Variants in CHRM3 observed in about 807,000 individuals in gnomAD.
The protein encoded by CHRM3 is cholinergic receptor muscarinic 3.
Under a neutral mutation model 41.8 loss-of-function variants are expected in CHRM3, and 11 were observed. That is an observed-to-expected ratio of 0.26 (90% CI 0.17 to 0.44). CHRM3 has a LOEUF of 0.44. CHRM3 is among the 20% of genes least tolerant of loss of function. CHRM3 has a pLI of 1.00. For synonymous variants in CHRM3, 297 were observed against 301.4 expected (o/e 0.99, Z 0.15); for missense variants, 571 against 745.4 (o/e 0.77, Z 2.72).
At chr1:239,508,118 A>G (rs1668691801) in intron 2 of CHRM3, among the ~76,000 whole-genome samples, 1 of 152,204 alleles carries the variant, frequency 6.6e-6, no homozygotes, top group African/African-American at 2.4e-5. Context: ...ATGACTAGTA[A>G]TTATATTCAA....
intron 5 of CHRM3, among the ~76,000 whole-genome samples, chr1:239,716,692 A>G (rs1364055207): frequency 6.6e-6 from 1 of 152,050 alleles, no homozygotes; most frequent in African/African-American, 2.4e-5. Context: ...AAATAGAATT[A>G]AAAAAAGAAG....
chr1:239,494,299 G>C (rs1667743161), intron 2 of CHRM3, among the ~76,000 whole-genome samples: 1 of 152,022 alleles, frequency 6.6e-6, no homozygotes, highest in Admixed American at 6.6e-5. Flanking sequence ...GCTGGTTCCT[G>C]CCAATTTGAT....
intron 2 of CHRM3, among the ~76,000 whole-genome samples, chr1:239,544,026 A>G (rs1290028895): frequency 6.6e-6 from 1 of 152,210 alleles, no homozygotes; most frequent in Non-Finnish European, 1.5e-5. Context: ...TTTGTTCCAA[A>G]CATTTAAAAA....
At chr1:239,637,218 A>G (rs561685442) in intron 4 of CHRM3, among the ~76,000 whole-genome samples, 1 of 152,082 alleles carries the variant, frequency 6.6e-6, no homozygotes, top group Non-Finnish European at 1.5e-5. Context: ...GGTTTTGTAA[A>G]TTTATTTTCT....
At chr1:239,830,830 G>T (rs377734664) in intron 6 of CHRM3, among the ~76,000 whole-genome samples, 1 of 152,124 alleles carries the variant, frequency 6.6e-6, no homozygotes, top group South Asian at 2.1e-4. Context: ...CCCAACCTCT[G>T]CAGGACCACC....
chr1:239,696,521 C>T (rs2148040627), intron 5 of CHRM3, among the ~76,000 whole-genome samples: 1 of 152,148 alleles, frequency 6.6e-6, no homozygotes, highest in East Asian at 1.9e-4. Flanking sequence ...TAAAATGAGA[C>T]CTATGAAAAC....
intron 2 of CHRM3, among the ~76,000 whole-genome samples, chr1:239,523,569 T>A (rs1418601430): frequency 6.6e-6 from 1 of 152,240 alleles, no homozygotes; most frequent in Non-Finnish European, 1.5e-5. Flanking sequence ...TGTTTTACGT[T>A]GTTTCTTGAA....
At chr1:239,504,806 T>C (rs2148156865) in intron 2 of CHRM3, among the ~76,000 whole-genome samples, 1 of 152,082 alleles carries the variant, frequency 6.6e-6, no homozygotes, top group African/African-American at 2.4e-5. Flanking sequence ...GTGAAGTAAC[T>C]CAGGAATGGA....
chr1:239,732,125 T>C (rs990767771), intron 5 of CHRM3, among the ~76,000 whole-genome samples: 11 of 152,010 alleles, frequency 7.2e-5, no homozygotes, highest in Non-Finnish European at 1.5e-4. Flanking sequence ...ATCCATACAC[T>C]GATGAAGTTC....
intron 1 of CHRM3, among the ~76,000 whole-genome samples, chr1:239,451,036 C>T (rs1283135448): frequency 6.6e-6 from 1 of 152,030 alleles, no homozygotes; most frequent in South Asian, 2.1e-4. Context: ...GCCTGGGCAA[C>T]ACAGCGAGAC....
At chr1:239,617,877 C>T (rs1405180253) in intron 3 of CHRM3, among the ~76,000 whole-genome samples, 1 of 152,086 alleles carries the variant, frequency 6.6e-6, no homozygotes, top group East Asian at 1.9e-4. Context: ...GTAAGATGAC[C>T]ACTGTGGTGT....
Position 239,909,733 on chromosome 1 carries a change from GTCTTT to G in CHRM3, c.*515_*519del, listed in dbSNP as rs1680251852. On this transcript the variant is annotated 3_prime_UTR_variant, in exon 7 of 7. Transcript: ENST00000676153. The stretch of plus-strand genomic sequence containing the variant: ...TCTTCTTGTCCCAATAGAGCTTCCT[GTCTTT>G]TCTTTGGTGTGTTGTTAAACTCTAT... The G allele has an allele frequency of 5.9e-6, 1 of 168,204 alleles. No individual in the cohort carries two copies. Among genetic ancestry groups the G allele is most frequent in the African/African-American group, 2.4e-5 (1 of 41,424 alleles). The allele number at this position is 168,204 out of a possible 1,614,324, so 10.4% of individuals were successfully genotyped here. A position where few individuals can be genotyped will look rare whatever the true frequency, so the allele number is the denominator to read the frequency against.
At chr1:239,461,930 C>A (rs1311543094) in intron 1 of CHRM3, among the ~76,000 whole-genome samples, 1 of 152,072 alleles carries the variant, frequency 6.6e-6, no homozygotes, top group East Asian at 1.9e-4. Flanking sequence ...CTTTCAAAAG[C>A]AAATAAATGA....
intron 4 of CHRM3, among the ~76,000 whole-genome samples, chr1:239,655,676 A>G (rs1220662956): frequency 1.3e-5 from 2 of 152,130 alleles, no homozygotes; most frequent in South Asian, 2.1e-4. Flanking sequence ...CTGACTTTTC[A>G]TCTCTAAAGT....
Position 239,820,497 on chromosome 1 carries a change from G to C in CHRM3, c.-146-6755G>C, listed in dbSNP as rs561508969. Among the ~76,000 whole-genome samples the C allele has an allele frequency of 1.4e-4, 22 of 152,276 alleles. 1 individual carries two copies. The South Asian group carries it at 3.5e-3, about 24-fold the overall frequency. On this transcript the variant is annotated intron_variant, in intron 5 of 6. Coordinates refer to ENST00000676153, the MANE Select transcript of CHRM3 (RefSeq NM_001375978.1). Reference sequence around the variant, plus strand: ...CTTGGAAAAAGGACCAGAGGTTATTGTTTTCTTCTATGATAGGTCCGGATT... The same window carrying C: ...CTTGGAAAAAGGACCAGAGGTTATTCTTTTCTTCTATGATAGGTCCGGATT...
intron 3 of CHRM3, among the ~76,000 whole-genome samples, chr1:239,548,224 G>A (rs1406361661): frequency 6.6e-6 from 1 of 152,180 alleles, no homozygotes; most frequent in Non-Finnish European, 1.5e-5. Flanking sequence ...AAGGTGGAAA[G>A]TACTGATAAC....
chr1:239,481,423 T>A (rs1198018822), intron 1 of CHRM3, among the ~76,000 whole-genome samples: 1 of 152,242 alleles, frequency 6.6e-6, no homozygotes, highest in Non-Finnish European at 1.5e-5. Context: ...AGGGCTTTTT[T>A]CAATGTAAAA....
chr1:239,496,182 C>A (rs1334320611), intron 2 of CHRM3, among the ~76,000 whole-genome samples: 1 of 151,950 alleles, frequency 6.6e-6, no homozygotes, highest in Non-Finnish European at 1.5e-5. Context: ...GGGGGCAAAC[C>A]AGATGAACAT....
At chr1:239,485,564 G>A (rs1036091378) in intron 1 of CHRM3, among the ~76,000 whole-genome samples, 1 of 152,112 alleles carries the variant, frequency 6.6e-6, no homozygotes, top group African/African-American at 2.4e-5. Flanking sequence ...ACAGGCATGA[G>A]CCACCACACC....
Sources: gnomAD v4.1 joint callset for allele counts (sites outside exome capture counted in the v4.1 genomes callset) on GRCh38, gnomAD v4.1.1 for gene constraint, MANE v1.5 for transcripts, NCBI Gene and HGNC (gene_info 2026-07-23, HGNC 2026-07-21) for gene names.